RERE: variants seen among roughly 807,000 people sequenced by gnomAD.
The protein encoded by RERE is arginine-glutamic acid dipeptide repeats protein.
A neutral mutation model predicts 146.1 loss-of-function variants in RERE; 40 were observed. That is an observed-to-expected ratio of 0.27 (90% CI 0.21 to 0.36). The LOEUF (loss-of-function observed/expected upper bound fraction) is 0.36. Among genes scored for constraint, RERE ranks in the 10% least tolerant of loss-of-function variants. The pLI, the probability that RERE is intolerant of heterozygous loss-of-function variation, is 1.00. For synonymous variants in RERE, 1,003 were observed against 866.0 expected (o/e 1.16, Z -2.78); for missense variants, 1,933 against 2,138.7 (o/e 0.90, Z 1.90).
intron 7 of RERE, among the ~76,000 whole-genome samples, chr1:8,520,754 T>TAAAAA (rs145670197): frequency 0.025 from 2,327 of 92,842 alleles, 40 homozygotes; most frequent in African/African-American, 0.054. Context: ...AAAAACTTTT[T>TAAAAA]AAAAAAAAAA....
intron 1 of RERE, among the ~76,000 whole-genome samples, chr1:8,703,471 A>G (rs1329268886): frequency 6.6e-6 from 1 of 151,760 alleles, no homozygotes; most frequent in Non-Finnish European, 1.5e-5. Flanking sequence ...CCCGGGCTGG[A>G]GCCCAGCCCG....
chr1:8,730,377 C>T (rs1429322346), intron 1 of RERE, among the ~76,000 whole-genome samples: 1 of 152,152 alleles, frequency 6.6e-6, no homozygotes, highest in Non-Finnish European at 1.5e-5. Context: ...GAGTCTCGCT[C>T]TGTTGCCCAG....
chr1:8,531,933 G>A (rs999162840), intron 7 of RERE, among the ~76,000 whole-genome samples: 28 of 152,138 alleles, frequency 1.8e-4, no homozygotes, highest in African/African-American at 6.8e-4. Flanking sequence ...TAGTATAATT[G>A]GATTGTTTTT....
In RERE at chr1:8,771,199, C is replaced by T. The variant is rs113722722; in HGVS notation, c.-145+45961G>A. Among the ~76,000 whole-genome samples the T allele has an allele frequency of 8.6e-3, 1,308 of 152,148 alleles. 11 individuals carry two copies. The highest frequency in any genetic ancestry group is 0.029 in the African/African-American group (1,195 of 41,502). Reference sequence around the variant, plus strand: ...TTTTTAGAGAAAAAACATGGAACTCCTCTAACAGCTATCATTTTGGAGATT... The same window carrying T: ...TTTTTAGAGAAAAAACATGGAACTCTTCTAACAGCTATCATTTTGGAGATT... On this transcript the variant is annotated intron_variant, in intron 1 of 22. Transcript: ENST00000400908.
chr1:8,447,349 T>A (rs1331573694), intron 11 of RERE, among the ~76,000 whole-genome samples: 4 of 152,146 alleles, frequency 2.6e-5, no homozygotes. Context: ...GGCAAGGAGC[T>A]GTACTCCTTT....
At chr1:8,501,995 A>G in intron 8 of RERE, among the ~76,000 whole-genome samples, 1 of 109,822 alleles carries the variant, frequency 9.1e-6, no homozygotes, top group Admixed American at 8.8e-5. Context: ...TGGGGGGGTC[A>G]GCCCCCCGCC....
intron 1 of RERE, among the ~76,000 whole-genome samples, chr1:8,801,200 C>T (rs1350195460): frequency 6.6e-6 from 1 of 151,954 alleles, no homozygotes; most frequent in East Asian, 1.9e-4. Context: ...GTTGAGGCTG[C>T]AGTCGGCCCT....
In RERE at chr1:8,360,499, TGGGC is replaced by T; in HGVS notation, c.3004_3007del (p.Ala1002SerfsTer5). ...CTGGCTCTGGGTCAGCCCGGGGGGC[TGGGC>T]GGGCGAGGAGGGCAATGGCTGGCTC... On this transcript the variant is annotated frameshift_variant, in exon 18 of 23. Coordinates refer to ENST00000400908, the MANE Select transcript of RERE (RefSeq NM_001042681.2). LOFTEE classifies it high-confidence loss of function. The T allele has an allele frequency of 2.6e-6, 3 of 1,162,896 alleles. No homozygotes were observed. Among genetic ancestry groups the T allele is most frequent in the Non-Finnish European group, 3.3e-6 (3 of 913,006 alleles). 72.0% of individuals were successfully genotyped at this position (1,162,896 alleles called of 1,614,324 possible).
intron 12 of RERE, among the ~76,000 whole-genome samples, chr1:8,395,870 G>T (rs1458072267): frequency 6.6e-6 from 1 of 152,176 alleles, no homozygotes; most frequent in African/African-American, 2.4e-5. Flanking sequence ...ATTAGCCAGT[G>T]AGAGTGCCCA....
intron 7 of RERE, chr1:8,512,016 T>TTC (rs1645345490): frequency 8.3e-5 from 5 of 60,254 alleles, no homozygotes; most frequent in African/African-American, 4.6e-4. Flanking sequence ...GAAACACTCT[T>TTC]TTTTTTTTTT....
chr1:8,586,285 T>C (rs1410142861), intron 4 of RERE, among the ~76,000 whole-genome samples: 1 of 152,212 alleles, frequency 6.6e-6, no homozygotes, highest in African/African-American at 2.4e-5. Flanking sequence ...AAAACTATAA[T>C]GGAATATAAT....
At chr1:8,751,093 C>G (rs1640525820) in intron 1 of RERE, 1 of 487,820 alleles carries the variant, frequency 2.0e-6, no homozygotes, top group South Asian at 2.2e-5. Flanking sequence ...TGAAGAAAAC[C>G]TTGACTATCT....
intron 1 of RERE, among the ~76,000 whole-genome samples, chr1:8,658,768 G>A (rs569192647): frequency 0.012 from 1,700 of 145,424 alleles, 31 homozygotes; most frequent in African/African-American, 0.044. Context: ...AAAAAAAAAA[G>A]AAAGAAAGAA....
At chr1:8,407,294 G>C (rs1643473766) in intron 12 of RERE, among the ~76,000 whole-genome samples, 1 of 152,122 alleles carries the variant, frequency 6.6e-6, no homozygotes, top group South Asian at 2.1e-4. Flanking sequence ...CTAGAGAAGG[G>C]GATGGAGCAG....
rs574398520 is a variant in RERE, at chr1:8,634,051, T to G, written c.326-9671A>C. Among the ~76,000 whole-genome samples the G allele has an allele frequency of 6.6e-5, 10 of 152,162 alleles. No homozygotes were observed. In the East Asian group the frequency reaches 1.7e-3, roughly 26 times the overall value. The stretch of plus-strand genomic sequence containing the variant: ...GGGTCACACAATGACAGATGAGAAG[T>G]AAAGGAAAAACAGAGACACCCTTTT... On this transcript the variant is annotated intron_variant, in intron 2 of 22. Coordinates refer to ENST00000400908, the MANE Select transcript of RERE (RefSeq NM_001042681.2).
At chr1:8,449,202 G>T (rs1644362236) in intron 11 of RERE, among the ~76,000 whole-genome samples, 1 of 152,154 alleles carries the variant, frequency 6.6e-6, no homozygotes, top group Non-Finnish European at 1.5e-5. Flanking sequence ...CTTACAAAGA[G>T]GAAATGAATT....
At chr1:8,561,237 AG>A (rs1268234585) in intron 4 of RERE, among the ~76,000 whole-genome samples, 2 of 152,234 alleles carry the variant, frequency 1.3e-5, no homozygotes, top group Non-Finnish European at 2.9e-5. Context: ...TGCAATAACC[AG>A]GGAGTGGCAG....
intron 1 of RERE, among the ~76,000 whole-genome samples, chr1:8,725,841 C>G (rs1408488356): frequency 6.6e-6 from 1 of 152,068 alleles, no homozygotes; most frequent in African/African-American, 2.4e-5. Flanking sequence ...ATAATAGGCT[C>G]TGGGTTTTGC....
intron 8 of RERE, among the ~76,000 whole-genome samples, chr1:8,502,707 G>A (rs1215374042): frequency 1.3e-5 from 2 of 150,920 alleles, no homozygotes; most frequent in East Asian, 3.9e-4. Context: ...GTGGATAGAA[G>A]TAGATATGGG....
Sources: allele counts gnomAD v4.1 joint callset (sites outside exome capture counted in the v4.1 genomes callset), GRCh38; gene constraint gnomAD v4.1.1; transcripts MANE v1.5; gene names NCBI Gene and HGNC (gene_info 2026-07-23, HGNC 2026-07-21).